The following ADAMTS20 variants were observed in gnomAD, a reference collection of about 807,000 sequenced individuals.
ADAMTS20 encodes the protein ADAM metallopeptidase with thrombospondin type 1 motif 20.
ADAMTS20 carries 225 observed loss-of-function variants against 260.1 expected under a neutral mutation model. That is an observed-to-expected ratio of 0.87 (90% CI 0.78 to 0.97). The LOEUF (loss-of-function observed/expected upper bound fraction) is 0.97. Ranked by LOEUF, ADAMTS20 falls within the 50% of genes least tolerant of loss-of-function variation. ADAMTS20 has a pLI of 0.00. For synonymous variants in ADAMTS20, 802 were observed against 769.5 expected (o/e 1.04, Z -0.70); for missense variants, 2,400 against 2,337.7 (o/e 1.03, Z -0.55).
chr12:43,355,300 T>C (rs1024564160), intron 38 of ADAMTS20, among the ~76,000 whole-genome samples: 1 of 152,192 alleles, frequency 6.6e-6, no homozygotes. Flanking sequence ...ATTAAACTTA[T>C]TGGCAAAGGA....
At chr12:43,446,267 T>C (rs959328813) in intron 15 of ADAMTS20, among the ~76,000 whole-genome samples, 1 of 152,148 alleles carries the variant, frequency 6.6e-6, no homozygotes, top group East Asian at 1.9e-4. Flanking sequence ...TTTTAGGTTA[T>C]AGGGAAAAAA....
chr12:43,447,244 C>A (rs532310297), intron 14 of ADAMTS20, among the ~76,000 whole-genome samples: 2 of 151,644 alleles, frequency 1.3e-5, no homozygotes, highest in Admixed American at 6.6e-5. Context: ...AAATCCTCAA[C>A]AAAATACTTG....
chr12:43,431,187 G>T (rs1365092532), intron 22 of ADAMTS20, 145 bp downstream of exon 22: 6 of 700,158 alleles, frequency 8.6e-6, no homozygotes, highest in Non-Finnish European at 1.1e-5. Flanking sequence ...TACACATAAA[G>T]ATTCACATTT....
At chr12:43,389,479 A>G (rs957746450) in intron 29 of ADAMTS20, among the ~76,000 whole-genome samples, 1 of 152,218 alleles carries the variant, frequency 6.6e-6, no homozygotes, top group South Asian at 2.1e-4. Context: ...CCTTCTGGAC[A>G]CACTGGGGCA....
intron 3 of ADAMTS20, among the ~76,000 whole-genome samples, chr12:43,514,212 A>G (rs1942965147): frequency 6.6e-6 from 1 of 151,210 alleles, no homozygotes; most frequent in Non-Finnish European, 1.5e-5. Flanking sequence ...TCTGCCTCCC[A>G]AAGCTCTGGG....
chr12:43,426,482 T>G, intron 27 of ADAMTS20, among the ~76,000 whole-genome samples: 1 of 152,220 alleles, frequency 6.6e-6, no homozygotes, highest in Non-Finnish European at 1.5e-5. Flanking sequence ...TTTGACTAAG[T>G]CATTCATTTT....
chr12:43,354,495 T>C (rs141772204), intron 38 of ADAMTS20, among the ~76,000 whole-genome samples, 197 bp from the exon 39 acceptor site: 2 of 152,306 alleles, frequency 1.3e-5, no homozygotes, highest in East Asian at 3.9e-4. Context: ...AGTTAAAGGA[T>C]ATTAGATAAC....
chr12:43,369,401 A>T lies in ADAMTS20; in HGVS notation c.5447-20T>A, dbSNP rs1401846336. The T allele has an allele frequency of 7.1e-7, 1 of 1,416,402 alleles. No individual in the cohort carries two copies. Among genetic ancestry groups the T allele is most frequent in the Admixed American group, 2.6e-5 (1 of 38,434 alleles). 87.7% of individuals were successfully genotyped at this position (1,416,402 alleles called of 1,614,324 possible). A position where few individuals can be genotyped will look rare whatever the true frequency, so the allele number is the denominator to read the frequency against. Reference sequence around the variant, plus strand: ...CCGTAGCTAGAAAATAATAAATAAAACTCTTTAGCATGGAGACAATAATGC... The same window carrying T: ...CCGTAGCTAGAAAATAATAAATAAATCTCTTTAGCATGGAGACAATAATGC... On this transcript the variant is annotated intron_variant, in intron 36 of 38. Transcript: ENST00000389420.
intron 11 of ADAMTS20, among the ~76,000 whole-genome samples, chr12:43,456,129 A>T (rs1197287887): frequency 6.6e-6 from 1 of 152,134 alleles, no homozygotes; most frequent in Non-Finnish European, 1.5e-5. Flanking sequence ...TATATTTTGG[A>T]TGTCTTTTTT....
chr12:43,510,589 T>G (rs181683831), intron 3 of ADAMTS20, among the ~76,000 whole-genome samples: 3 of 152,180 alleles, frequency 2.0e-5, no homozygotes, highest in Non-Finnish European at 4.4e-5. Context: ...ATACATCCCT[T>G]TCTATTTAGG....
At chr12:43,486,323 G>A (rs190845805) in intron 7 of ADAMTS20, among the ~76,000 whole-genome samples, 280 of 152,156 alleles carry the variant, frequency 1.8e-3, no homozygotes, top group Non-Finnish European at 3.3e-3. Context: ...AATATAAATT[G>A]GGGAAAGAAT....
intron 4 of ADAMTS20, among the ~76,000 whole-genome samples, chr12:43,494,011 A>G (rs931425396): frequency 3.3e-5 from 5 of 152,136 alleles, no homozygotes; most frequent in African/African-American, 1.2e-4. Context: ...GCTAATTCAT[A>G]TTCTCTTCTT....
In ADAMTS20 at chr12:43,462,966, C is replaced by T; in HGVS notation, c.1543G>A (p.Glu515Lys). The T allele has an allele frequency of 6.2e-7, 1 of 1,608,460 alleles. No individual in the cohort carries two copies. Among genetic ancestry groups the T allele is most frequent in the Non-Finnish European group, 8.5e-7 (1 of 1,177,174 alleles). ...ICMHLWCTST[E>K]KLHKGCFTQH... ...GTGAAACAGCCTTTGTGAAGCTTTT[C>T]TGTGCTTGTGCACCACAGATGCATG... The change falls in exon 11 of 39, where the codon GAA (glutamate) becomes AAA (lysine). Residue 515 changes from glutamate to lysine, a missense_variant. By Grantham distance (56) the Glu-to-Lys change is moderately conservative. Coordinates refer to ENST00000389420, the MANE Select transcript of ADAMTS20 (RefSeq NM_025003.5).
At chr12:43,360,170 C>T (rs550131486) in intron 37 of ADAMTS20, among the ~76,000 whole-genome samples, 28 of 152,266 alleles carry the variant, frequency 1.8e-4, no homozygotes, top group Admixed American at 3.9e-4. Context: ...TATCACCGGC[C>T]GGGCACGGTG....
chr12:43,475,613 C>G (rs1288425858), intron 7 of ADAMTS20, among the ~76,000 whole-genome samples: 1 of 152,110 alleles, frequency 6.6e-6, no homozygotes, highest in Non-Finnish European at 1.5e-5. Context: ...GCTACAGTAA[C>G]CAAAACCGCA....
At chr12:43,526,934 G>T (rs927120821) in intron 3 of ADAMTS20, among the ~76,000 whole-genome samples, 16 of 151,924 alleles carry the variant, frequency 1.1e-4, no homozygotes, top group African/African-American at 3.6e-4. Flanking sequence ...AAAATTAATA[G>T]ACCATTAGTG....
intron 7 of ADAMTS20, among the ~76,000 whole-genome samples, chr12:43,486,952 G>T (rs912790165): frequency 1.3e-5 from 2 of 152,164 alleles, no homozygotes; most frequent in Non-Finnish European, 2.9e-5. Context: ...TGGTAAAAAA[G>T]AAATGCAAGT....
rs34139852 is a variant in ADAMTS20, at chr12:43,425,534, G to A, written c.4264C>T (p.His1422Tyr). Reference protein sequence around the residue: ...MHACPADVSWHQEPWTSCSAS... With the variant: ...MHACPADVSWYQEPWTSCSAS... ...CATACCGATGTCCATGGTTCCTGAT[G>A]CCATGACACATCAGCAGGGCAAGCA... Residue 1422 changes from histidine to tyrosine, a missense_variant, in exon 28 of 39, where the codon CAT becomes TAT. Transcript: ENST00000389420. 2.4e-4 allele frequency: 368 copies of A among 1,557,362 alleles called. 1 individual carries two copies. The African/African-American group carries it at 4.4e-3, about 19-fold the overall frequency.
intron 3 of ADAMTS20, among the ~76,000 whole-genome samples, chr12:43,524,579 A>C (rs1230724366): frequency 5.3e-5 from 8 of 150,624 alleles, no homozygotes; most frequent in African/African-American, 1.9e-4. Context: ...AAGAAAGGTG[A>C]AAAGTAAAAA....
Sources: allele counts gnomAD v4.1 joint callset (sites outside exome capture counted in the v4.1 genomes callset), GRCh38; gene constraint gnomAD v4.1.1; transcripts MANE v1.5; gene names NCBI Gene and HGNC (gene_info 2026-07-23, HGNC 2026-07-21).